The following TSPAN2 variants were observed in gnomAD, a reference collection of about 807,000 sequenced individuals.
TSPAN2 encodes tetraspanin 2, also known as tetraspanin-2.
Under a neutral mutation model 33.3 loss-of-function variants are expected in TSPAN2, and 24 were observed. That is an observed-to-expected ratio of 0.72 (90% CI 0.52 to 1.01). TSPAN2 has a LOEUF of 1.01. Among genes scored for constraint, TSPAN2 ranks in the 50% least tolerant of loss-of-function variants. The probability of loss-of-function intolerance (pLI) is 0.00; values close to 1 mark genes in which losing one functional copy is unlikely to be tolerated. For missense variants in TSPAN2, 278 were observed against 281.3 expected (o/e 0.99, Z 0.08); for synonymous variants, 114 against 104.5 (o/e 1.09, Z -0.56).
At chr1:115,066,674 T>A (rs1647962869) in intron 2 of TSPAN2, among the ~76,000 whole-genome samples, 2 of 135,934 alleles carry the variant, frequency 1.5e-5, no homozygotes, top group Admixed American at 1.6e-4. Flanking sequence ...AATCTGCTAA[T>A]GACCATTTTT....
intron 1 of TSPAN2, among the ~76,000 whole-genome samples, chr1:115,083,905 A>C (rs1648730816): frequency 6.6e-6 from 1 of 152,188 alleles, no homozygotes; most frequent in African/African-American, 2.4e-5. Context: ...AATAAATTCT[A>C]ATCAAAGGCA....
intron 2 of TSPAN2, among the ~76,000 whole-genome samples, chr1:115,071,098 C>T (rs879709972): frequency 6.6e-6 from 1 of 152,096 alleles, no homozygotes; most frequent in African/African-American, 2.4e-5. Context: ...CACAAAATCC[C>T]AATCTTGTCC....
intron 2 of TSPAN2, among the ~76,000 whole-genome samples, chr1:115,064,859 G>C (rs1364521574): frequency 2.6e-5 from 4 of 152,188 alleles, no homozygotes; most frequent in African/African-American, 9.7e-5. Flanking sequence ...GAGGAGGCAG[G>C]AGGCTCACTG....
intron 2 of TSPAN2, among the ~76,000 whole-genome samples, chr1:115,070,861 T>C (rs1488098627): frequency 6.6e-6 from 1 of 152,240 alleles, no homozygotes; most frequent in African/African-American, 2.4e-5. Context: ...TTTTCATTTA[T>C]ATTACAAGTT....
intron 1 of TSPAN2, among the ~76,000 whole-genome samples, chr1:115,084,640 A>G (rs548034962): frequency 6.6e-6 from 1 of 152,364 alleles, no homozygotes; most frequent in Non-Finnish European, 1.5e-5. Flanking sequence ...GAACATTCCT[A>G]TCTGCCTTAT....
At chr1:115,069,357 C>T (rs1452715735) in intron 2 of TSPAN2, among the ~76,000 whole-genome samples, 1 of 152,198 alleles carries the variant, frequency 6.6e-6, no homozygotes, top group East Asian at 1.9e-4. Flanking sequence ...CAGGCATATG[C>T]CCACAAGCAG....
chr1:115,089,195 C>G (rs919595676), intron 1 of TSPAN2, among the ~76,000 whole-genome samples, 169 bp downstream of exon 1: 8 of 152,212 alleles, frequency 5.3e-5, no homozygotes, highest in Non-Finnish European at 1.0e-4. Flanking sequence ...TCTCTCCCTT[C>G]CATCCCTCCC....
intron 1 of TSPAN2, among the ~76,000 whole-genome samples, chr1:115,086,828 T>C (rs1156993388): frequency 5.3e-5 from 8 of 152,212 alleles, no homozygotes; most frequent in Admixed American, 5.2e-4. Flanking sequence ...GGATCAGAAT[T>C]ATGTGAATGG....
intron 7 of TSPAN2, 145 bp from the exon 8 acceptor site, chr1:115,050,700 CTTAAGGTTGGCT>C: frequency 5.9e-6 from 4 of 672,280 alleles, no homozygotes; most frequent in Non-Finnish European, 7.9e-6. Flanking sequence ...TAGTATGTTA[CTTAAGGTTGGCT>C]ATGGGGTAAA....
At chr1:115,076,562 T>C (rs186190411) in intron 1 of TSPAN2, among the ~76,000 whole-genome samples, 1 of 152,284 alleles carries the variant, frequency 6.6e-6, no homozygotes, top group Admixed American at 6.5e-5. Flanking sequence ...ACTGTACTCA[T>C]TGAAGAACTT....
rs558175882 is a variant in TSPAN2 at position 115,069,033 on chromosome 1, G to A, written c.172+3872C>T. Among the ~76,000 whole-genome samples, 7 of 152,166 alleles carry A rather than the reference G, an allele frequency of 4.6e-5. No homozygotes were observed. The East Asian group carries it at 7.7e-4, about 17-fold the overall frequency. The stretch of plus-strand genomic sequence containing the variant: ...ACAGCCTGTAGTTTCCTTATTCTGC[G>A]TGGTGCTAAGTTTCTATGATGACCC... On this transcript the variant is annotated intron_variant, in intron 2 of 7. Coordinates refer to ENST00000369516, the MANE Select transcript of TSPAN2 (RefSeq NM_005725.6).
At chr1:115,086,857 T>G (rs1648854838) in intron 1 of TSPAN2, among the ~76,000 whole-genome samples, 1 of 152,256 alleles carries the variant, frequency 6.6e-6, no homozygotes, top group Non-Finnish European at 1.5e-5. Flanking sequence ...ATTAGATTGC[T>G]GGATCCTACC....
rs554432126 is a variant in TSPAN2, at chr1:115,074,285, G to A, written c.70-1278C>T. Among the ~76,000 whole-genome samples, 119 of 152,234 alleles carry A rather than the reference G, an allele frequency of 7.8e-4. 1 individual carries two copies. Among genetic ancestry groups the A allele is most frequent in the African/African-American group, 2.8e-3 (115 of 41,558 alleles). On this transcript the variant is annotated intron_variant, in intron 1 of 7. Transcript: ENST00000369516. The stretch of plus-strand genomic sequence containing the variant: ...TTGCCAGGCAGCTTATAAAGGACCC[G>A]GAACTAGCCTTCTGGACGATCTGGC...
intron 1 of TSPAN2, among the ~76,000 whole-genome samples, chr1:115,081,563 C>G (rs1029623528): frequency 6.6e-6 from 1 of 152,128 alleles, no homozygotes; most frequent in African/African-American, 2.4e-5. Context: ...AATGGGGGTT[C>G]TACGCATTTG....
chr1:115,050,083 T>A lies in TSPAN2; in HGVS notation c.*407A>T. 1 of 227,472 alleles carries A rather than the reference T, an allele frequency of 4.4e-6. No individual in the cohort carries two copies. The highest frequency in any genetic ancestry group is 8.7e-6 in the Non-Finnish European group (1 of 115,210). 14.1% of individuals were successfully genotyped at this position (227,472 alleles called of 1,614,324 possible). ...AATCTCTGAATTCTCTGCATCTAAT[T>A]TTCAATGGCTACAGTCTGAGAAACT... On this transcript the variant is annotated 3_prime_UTR_variant, in exon 8 of 8. Coordinates refer to ENST00000369516, the MANE Select transcript of TSPAN2 (RefSeq NM_005725.6).
rs973216470 is a variant in TSPAN2, at chr1:115,049,401, G to A, written c.*1089C>T. On this transcript the variant is annotated 3_prime_UTR_variant, in exon 8 of 8. Transcript: ENST00000369516. ...TAATGGTTAAATTATGAAGGACTTT[G>A]TTTTACTTATGTTAAGTGGTGAAAA... The A allele has an allele frequency of 6.6e-6, 1 of 152,546 alleles. No individual in the cohort carries two copies. Among genetic ancestry groups the A allele is most frequent in the South Asian group, 2.1e-4 (1 of 4,834 alleles). 9.4% of individuals were successfully genotyped at this position (152,546 alleles called of 1,614,324 possible). A position where few individuals can be genotyped will look rare whatever the true frequency, so the allele number is the denominator to read the frequency against.
At chr1:115,060,664 T>C in intron 3 of TSPAN2, 126 bp from the exon 4 acceptor site, 1 of 722,934 alleles carries the variant, frequency 1.4e-6, no homozygotes, top group Non-Finnish European at 2.3e-6. Context: ...ATTCATTCAT[T>C]CAGCAATTGT....
chr1:115,073,925 C>T lies in TSPAN2; in HGVS notation c.70-918G>A, dbSNP rs115138965. 7.8e-3 allele frequency among the ~76,000 whole-genome samples: 1,185 copies of T among 152,226 alleles called. 10 individuals are homozygous for T. The highest frequency in any genetic ancestry group is 0.027 in the African/African-American group (1,123 of 41,520). ...GCTGCGTGCCAGCAGGCTCTAGCCA[C>T]GGTGTTTTCTCTCCACAAACACCAC... On this transcript the variant is annotated intron_variant, in intron 1 of 7. Transcript: ENST00000369516.
In TSPAN2 at chr1:115,048,186, TAC is replaced by T. The variant is rs773188825; in HGVS notation, c.*2302_*2303del. ...GTATATGTGTATGTATATATATATATACACACACATCTGTATATACATACATG... is the reference window on the plus strand; with the variant it reads ...GTATATGTGTATGTATATATATATATACACACATCTGTATATACATACATG... On this transcript the variant is annotated 3_prime_UTR_variant, in exon 8 of 8. Transcript: ENST00000369516. The T allele has an allele frequency of 7.7e-4, 116 of 150,352 alleles. No homozygotes were observed. The highest frequency in any genetic ancestry group is 1.3e-3 in the Non-Finnish European group (90 of 67,524). The allele number at this position is 150,352 out of a possible 1,614,324, so 9.3% of individuals were successfully genotyped here.
Sources: allele counts gnomAD v4.1 joint callset (sites outside exome capture counted in the v4.1 genomes callset), GRCh38; gene constraint gnomAD v4.1.1; transcripts MANE v1.5; gene names NCBI Gene and HGNC (gene_info 2026-07-23, HGNC 2026-07-21).